Variants in ARHGAP23 observed in about 807,000 individuals in gnomAD.
ARHGAP23 encodes the protein rho GTPase-activating protein 23.
In ARHGAP23, 34 loss-of-function variants were observed where a neutral mutation model predicts 136.3. The observed-to-expected ratio is 0.25, with a 90% confidence interval of 0.19 to 0.33. The LOEUF (loss-of-function observed/expected upper bound fraction) is 0.33. ARHGAP23 is among the 10% of genes least tolerant of loss of function. The pLI, the probability that ARHGAP23 is intolerant of heterozygous loss-of-function variation, is 1.00. For synonymous variants in ARHGAP23, 832 were observed against 920.5 expected, an observed-to-expected ratio of 0.90 and a Z score of 1.74; for missense variants, 1,808 against 2,139.0, an observed-to-expected ratio of 0.85 and a Z score of 3.05.
chr17:38,471,763 A>C, intron 10 of ARHGAP23, 100 bp from the exon 11 acceptor site: 1 of 1,349,360 alleles, frequency 7.4e-7, no homozygotes, highest in African/African-American at 1.5e-5. Flanking sequence ...TGTAGCACAG[A>C]CATATATCAG....
At chr17:38,461,024 T>G in intron 3 of ARHGAP23, 92 bp downstream of exon 3, 2 of 1,488,756 alleles carry the variant, frequency 1.3e-6, no homozygotes, top group South Asian at 2.6e-5. Flanking sequence ...CCTGTCCTTT[T>G]CTGTGCCCCC....
intron 1 of ARHGAP23, among the ~76,000 whole-genome samples, chr17:38,445,380 G>A (rs541675243): frequency 6.6e-6 from 1 of 151,456 alleles, no homozygotes; most frequent in Non-Finnish European, 1.5e-5. Context: ...AGGAGGCTGA[G>A]GCAGGAGAAT....
rs1308675463 is a variant in ARHGAP23 at position 38,511,650 on chromosome 17, C to T, written c.*678C>T. 1 of 152,084 alleles carries T rather than the reference C, an allele frequency of 6.6e-6. No homozygotes were observed. The highest frequency in any genetic ancestry group is 2.4e-5 in the African/African-American group (1 of 41,342). The allele number at this position is 152,084 out of a possible 1,614,324, so 9.4% of individuals were successfully genotyped here. ...CATTCCAAGGAGGCAGGACTGAAAC[C>T]CTCACCAGGGTTACTCCCCAACATC... On this transcript the variant is annotated 3_prime_UTR_variant, in exon 24 of 24. Transcript: ENST00000622683.
upstream of ARHGAP23, among the ~76,000 whole-genome samples, chr17:38,426,086 G>T (rs2038566870): frequency 1.3e-5 from 2 of 152,068 alleles, no homozygotes; most frequent in Non-Finnish European, 2.9e-5. Context: ...CATGGCCTCA[G>T]TTCAGTCTGA....
intron 20 of ARHGAP23, among the ~76,000 whole-genome samples, chr17:38,494,728 G>A (rs568489207): frequency 6.6e-6 from 1 of 152,340 alleles, no homozygotes; most frequent in East Asian, 1.9e-4. Context: ...GGCTGGGGTC[G>A]TAGTCATGGA....
chr17:38,504,530 G>T (rs1262605156), intron 23 of ARHGAP23, among the ~76,000 whole-genome samples: 1 of 152,222 alleles, frequency 6.6e-6, no homozygotes, highest in Non-Finnish European at 1.5e-5. Flanking sequence ...GCCAGCCTCT[G>T]TCTCTCTTGC....
intron 1 of ARHGAP23, 31 bp from the exon 2 acceptor site, chr17:38,458,071 G>A: frequency 6.5e-7 from 1 of 1,535,208 alleles, no homozygotes; most frequent in Non-Finnish European, 8.7e-7. Flanking sequence ...AGCCACACGG[G>A]CGCTCAGCCT....
chr17:38,503,977 A>T (rs1377212061), intron 23 of ARHGAP23, among the ~76,000 whole-genome samples: 2 of 152,134 alleles, frequency 1.3e-5, no homozygotes, highest in Non-Finnish European at 2.9e-5. Context: ...TTTACGGAAG[A>T]CCCTTGAATT....
intron 3 of ARHGAP23, 85 bp downstream of exon 3, chr17:38,461,017 G>C: frequency 6.7e-7 from 1 of 1,492,786 alleles, no homozygotes; most frequent in Non-Finnish European, 8.9e-7. Context: ...AAGACTGCCT[G>C]TCCTTTTCTG....
In ARHGAP23 at chr17:38,510,975, C is replaced by T. The variant is rs777247895; in HGVS notation, c.*3C>T. The T allele has an allele frequency of 6.3e-6, 9 of 1,430,776 alleles. No homozygotes were observed. The African/African-American group carries it at 1.1e-4, about 17-fold the overall frequency. The allele number at this position is 1,430,776 out of a possible 1,614,324, so 88.6% of individuals were successfully genotyped here. On this transcript the variant is annotated 3_prime_UTR_variant, in exon 24 of 24. Transcript: ENST00000622683. The surrounding 1 kb of genome is among the most constrained non-coding windows in gnomAD (Gnocchi z 4.6). ...CCCGCCTGCATCAGTGTCTGTGATC[C>T]CCACCTCCCGCGCCGCTCGGGCGCC...
rs544178078 is a variant in ARHGAP23 at position 38,472,479 on chromosome 17, C to T, written c.2118+473C>T. Among the ~76,000 whole-genome samples, 5 of 152,174 alleles carry T rather than the reference C, an allele frequency of 3.3e-5. No homozygotes were observed. The South Asian group carries it at 1.0e-3, about 32-fold the overall frequency. ...AGCTTTAAAATATTCATTTGGCTCC[C>T]TGGGAGTGAGTTAGGGAGGGGCCAT... On this transcript the variant is annotated intron_variant, in intron 11 of 23. Transcript: ENST00000622683.
upstream of ARHGAP23, among the ~76,000 whole-genome samples, chr17:38,424,839 C>A (rs1462253682): frequency 6.6e-6 from 1 of 152,174 alleles, no homozygotes; most frequent in African/African-American, 2.4e-5. Context: ...TTTCACAGGC[C>A]TTTGTGAGGC....
At chr17:38,450,474 C>CGTGATT in intron 1 of ARHGAP23, 1 of 147,830 alleles carries the variant, frequency 6.8e-6, no homozygotes, top group Non-Finnish European at 1.5e-5. Flanking sequence ...GGAGAGCAAT[C>CGTGATT]TCTGCTCATT....
intron 19 of ARHGAP23, among the ~76,000 whole-genome samples, chr17:38,490,756 G>A (rs1487564064): frequency 6.6e-6 from 1 of 152,192 alleles, no homozygotes; most frequent in Non-Finnish European, 1.5e-5. Context: ...GTTTCTGAGG[G>A]CTTTCCAGAG....
At chr17:38,485,343 C>T (rs1303400848) in intron 16 of ARHGAP23, among the ~76,000 whole-genome samples, 1 of 152,144 alleles carries the variant, frequency 6.6e-6, no homozygotes, top group Admixed American at 6.5e-5. Flanking sequence ...TCTGTTAGAA[C>T]TACTGATTTA....
chr17:38,477,540 C>A lies in ARHGAP23; in HGVS notation c.2119-39C>A. The A allele has an allele frequency of 8.1e-7, 1 of 1,237,940 alleles. No homozygotes were observed. The highest frequency in any genetic ancestry group is 2.6e-5 in the South Asian group (1 of 38,696). The allele number at this position is 1,237,940 out of a possible 1,614,324, so 76.7% of individuals were successfully genotyped here. On this transcript the variant is annotated intron_variant, in intron 11 of 23. Transcript: ENST00000622683. The surrounding 1 kb of genome is among the most constrained non-coding windows in gnomAD (Gnocchi z 6.6). ...AGAGCAGTGGGCAAAACTGGCCTCT[C>A]ACCATTCCTGTCTCCCCCAACCCCG...
At chr17:38,489,295 G>T (rs577236001) in intron 17 of ARHGAP23, among the ~76,000 whole-genome samples, 4 of 152,258 alleles carry the variant, frequency 2.6e-5, no homozygotes, top group Non-Finnish European at 5.9e-5. Flanking sequence ...TTTCCCCAGT[G>T]CTTTTATAAT....
At chr17:38,507,300 T>TAATAATAATAATAATAACAAC in intron 23 of ARHGAP23, among the ~76,000 whole-genome samples, 1 of 150,274 alleles carries the variant, frequency 6.7e-6, no homozygotes, top group Non-Finnish European at 1.5e-5. Flanking sequence ...ATAATAATAA[T>TAATAATAATAATAATAACAAC]AATAATGCTC....
In ARHGAP23 at chr17:38,466,817, T is replaced by C; in HGVS notation, c.1134T>C (p.Cys378=). Residue 378 remains cysteine, a synonymous_variant, in exon 7 of 24, where the codon TGT becomes TGC. Transcript: ENST00000622683. ...GALVSPRFER[C]GWASQRSSAR... ...TGGTGTCACCCCGCTTTGAGCGGTG[T>C]GGCTGGGCTTCCCAGCGTTCGTCTG... 6.5e-7 allele frequency: 1 copy of C among 1,549,056 alleles called. No individual in the cohort carries two copies. Among genetic ancestry groups the C allele is most frequent in the Non-Finnish European group, 8.7e-7 (1 of 1,146,516 alleles).
Sources: allele counts gnomAD v4.1 joint callset (sites outside exome capture counted in the v4.1 genomes callset), GRCh38; gene constraint gnomAD v4.1.1; non-coding constraint Gnocchi (gnomAD v3.1); transcripts MANE v1.5; gene names NCBI Gene and HGNC (gene_info 2026-07-23, HGNC 2026-07-21).